Variants in HIVEP3 observed in about 807,000 individuals in gnomAD.
HIVEP3 encodes the protein HIVEP zinc finger 3.
Under a neutral mutation model 152.8 loss-of-function variants are expected in HIVEP3, and 49 were observed. That is an observed-to-expected ratio of 0.32 (90% CI 0.26 to 0.41). HIVEP3 has a LOEUF of 0.41. Among genes scored for constraint, HIVEP3 ranks in the 10% least tolerant of loss-of-function variants. The pLI, the probability that HIVEP3 is intolerant of heterozygous loss-of-function variation, is 1.00. For missense variants in HIVEP3, 2,790 were observed against 3,103.3 expected (o/e 0.90, Z 2.40); for synonymous variants, 1,269 against 1,289.0 (o/e 0.98, Z 0.33).
intron 1 of HIVEP3, among the ~76,000 whole-genome samples, chr1:41,753,808 A>G (rs547953581): frequency 4.5e-4 from 68 of 152,224 alleles, no homozygotes; most frequent in Non-Finnish European, 8.2e-4. Flanking sequence ...ATCATGTGCC[A>G]GGCAGTGTAT....
intron 1 of HIVEP3, among the ~76,000 whole-genome samples, chr1:41,841,210 G>A (rs1203433301): frequency 3.3e-5 from 5 of 152,164 alleles, no homozygotes; most frequent in African/African-American, 1.2e-4. Context: ...TCTTCAAGAA[G>A]GCTGCATCAG....
At chr1:42,005,294 A>G (rs1049909211) in intron 1 of HIVEP3, among the ~76,000 whole-genome samples, 1 of 152,190 alleles carries the variant, frequency 6.6e-6, no homozygotes, top group African/African-American at 2.4e-5. Context: ...GGCAGTCTGT[A>G]ATGCCCAGCA....
intron 1 of HIVEP3, among the ~76,000 whole-genome samples, chr1:41,711,433 G>C (rs1646511985): frequency 6.6e-6 from 1 of 152,192 alleles, no homozygotes; most frequent in South Asian, 2.1e-4. Context: ...AGACACTAAG[G>C]AGCACGGTGA....
intron 1 of HIVEP3, among the ~76,000 whole-genome samples, chr1:41,762,379 T>A (rs962408480): frequency 1.3e-5 from 2 of 152,146 alleles, no homozygotes; most frequent in Non-Finnish European, 2.9e-5. Flanking sequence ...ACTGTAACCC[T>A]CCCATTCTCC....
Position 41,508,888 on chromosome 1 carries a change from C to G in HIVEP3, c.*1563G>C, listed in dbSNP as rs968315832. 2 of 152,254 alleles carry G rather than the reference C, an allele frequency of 1.3e-5. No homozygotes were observed. Among genetic ancestry groups the G allele is most frequent in the African/African-American group, 4.8e-5 (2 of 41,456 alleles). The allele number at this position is 152,254 out of a possible 1,614,324, so 9.4% of individuals were successfully genotyped here. A position where few individuals can be genotyped will look rare whatever the true frequency, so the allele number is the denominator to read the frequency against. ...CCTTCACGGGCCTCAACCGTAGTCC[C>G]TGTGCTGCCCTCCCTTGTAGAAAGT... On this transcript the variant is annotated 3_prime_UTR_variant, in exon 9 of 9. Coordinates refer to ENST00000372583, the MANE Select transcript of HIVEP3 (RefSeq NM_024503.5).
chr1:41,791,201 T>C lies in HIVEP3; in HGVS notation c.-800-90206A>G, dbSNP rs1307449721. Among the ~76,000 whole-genome samples the C allele has an allele frequency of 2.0e-5, 3 of 151,948 alleles. No homozygotes were observed. In the East Asian group the frequency reaches 5.8e-4, roughly 29 times the overall value. On this transcript the variant is annotated intron_variant, in intron 1 of 8. Coordinates refer to ENST00000372583, the MANE Select transcript of HIVEP3 (RefSeq NM_024503.5). ...TCAAGCCAGTCAGGTCCGCTCACTG[T>C]TCCTTCAATAGCTTGGGCTCCTTTG...
chr1:41,573,017 G>C (rs1275595041), intron 5 of HIVEP3, among the ~76,000 whole-genome samples: 1 of 152,256 alleles, frequency 6.6e-6, no homozygotes, highest in Middle Eastern at 3.2e-3. Context: ...GTGAGCAGAA[G>C]CTTCTGGGTG....
intron 6 of HIVEP3, among the ~76,000 whole-genome samples, chr1:41,523,788 T>A (rs899025119): frequency 6.6e-6 from 1 of 152,146 alleles, no homozygotes; most frequent in Non-Finnish European, 1.5e-5. Context: ...AGCCCCCAAC[T>A]TGCTCAAAGG....
intron 3 of HIVEP3, among the ~76,000 whole-genome samples, chr1:41,607,094 A>G (rs546541780): frequency 1.3e-5 from 2 of 152,126 alleles, no homozygotes; most frequent in African/African-American, 2.4e-5. Flanking sequence ...AAAGTGCTGG[A>G]TTATAGGTGT....
intron 1 of HIVEP3, among the ~76,000 whole-genome samples, chr1:41,809,190 C>T (rs1650803515): frequency 6.6e-6 from 1 of 152,212 alleles, no homozygotes; most frequent in Non-Finnish European, 1.5e-5. Context: ...CTTCTCCTGG[C>T]CTATCCATGA....
chr1:41,855,653 C>A (rs1269340572), intron 1 of HIVEP3, among the ~76,000 whole-genome samples: 1 of 152,186 alleles, frequency 6.6e-6, no homozygotes, highest in Non-Finnish European at 1.5e-5. Flanking sequence ...CCCCTATACA[C>A]TATTCTCACA....
At chr1:41,528,463 C>T (rs1424024762) in intron 5 of HIVEP3, among the ~76,000 whole-genome samples, 4 of 128,344 alleles carry the variant, frequency 3.1e-5, no homozygotes, top group Non-Finnish European at 6.6e-5. Context: ...ACACACCCCA[C>T]CCTCACCTTC....
At chr1:42,018,164 TCTC>T (rs908795034) in intron 1 of HIVEP3, among the ~76,000 whole-genome samples, 2 of 151,964 alleles carry the variant, frequency 1.3e-5, no homozygotes, top group Non-Finnish European at 2.9e-5. Flanking sequence ...TATAGTATCT[TCTC>T]CTACTCTGGG....
At chr1:41,550,717 A>G (rs574779333) in intron 5 of HIVEP3, among the ~76,000 whole-genome samples, 171 of 152,318 alleles carry the variant, frequency 1.1e-3, no homozygotes, top group African/African-American at 3.9e-3. Context: ...ATTTTTGCAC[A>G]TTGATGTTGT....
chr1:42,004,978 C>T (rs900920943), intron 1 of HIVEP3, among the ~76,000 whole-genome samples: 8 of 152,148 alleles, frequency 5.3e-5, no homozygotes, highest in Admixed American at 3.3e-4. Context: ...TTGCTTCGAA[C>T]GGTCAATATC....
At chr1:41,716,259 T>G (rs962180639) in intron 1 of HIVEP3, among the ~76,000 whole-genome samples, 9 of 152,076 alleles carry the variant, frequency 5.9e-5, no homozygotes, top group African/African-American at 2.2e-4. Flanking sequence ...GGGAGGCCCA[T>G]GGGGATGCTG....
intron 1 of HIVEP3, among the ~76,000 whole-genome samples, chr1:41,893,067 G>A (rs536059725): frequency 6.7e-6 from 1 of 148,180 alleles, no homozygotes; most frequent in East Asian, 2.0e-4. Flanking sequence ...AGGCTGTAGC[G>A]AGCCATGTTC....
chr1:41,963,159 C>T (rs1360600685), intron 1 of HIVEP3, among the ~76,000 whole-genome samples: 1 of 152,260 alleles, frequency 6.6e-6, no homozygotes, highest in African/African-American at 2.4e-5. Flanking sequence ...CTACAGGTAC[C>T]TGCCACCACG....
In HIVEP3 at chr1:41,584,556, G is replaced by C. The variant is rs1463638412; in HGVS notation, c.242C>G (p.Pro81Arg). The change falls in exon 4 of 9, where the codon CCC becomes CGC. Residue 81 changes from proline (P) to arginine (R), a missense_variant. Physicochemically the swap from Pro to Arg is moderately radical, Grantham distance 103. Transcript: ENST00000372583. This position sits in a 1 kb window ranked among gnomAD's most constrained non-coding sequence, Gnocchi z 5.2. ...GGATGCTTCGATGGGGGGCCTTTTG[G>C]GGGGCTTCTGCTGCTGGCCCGTTTT... ...QEKTGQQQKPPKRPPIEASVH... is the reference protein window; with the variant it reads ...QEKTGQQQKPRKRPPIEASVH... 1 of 1,614,114 alleles carries C rather than the reference G, an allele frequency of 6.2e-7. No individual in the cohort carries two copies. The highest frequency in any genetic ancestry group is 2.2e-5 in the East Asian group (1 of 44,878).
Sources: gnomAD v4.1 joint callset for allele counts (sites outside exome capture counted in the v4.1 genomes callset) on GRCh38, gnomAD v4.1.1 for gene constraint, Gnocchi (gnomAD v3.1) non-coding constraint, MANE v1.5 for transcripts, NCBI Gene and HGNC (gene_info 2026-07-23, HGNC 2026-07-21) for gene names.